The following DUSP22 variants were observed in gnomAD, a reference collection of about 807,000 sequenced individuals.
DUSP22 encodes dual specificity phosphatase 22.
A neutral mutation model predicts 24.5 loss-of-function variants in DUSP22; 24 were observed. The observed-to-expected ratio is 0.98, with a 90% confidence interval of 0.71 to 1.38. The LOEUF (loss-of-function observed/expected upper bound fraction) is 1.38. Ranked by LOEUF, DUSP22 falls within the 40% of genes most tolerant of loss-of-function variation. The pLI, the probability that DUSP22 is intolerant of heterozygous loss-of-function variation, is 0.00. For synonymous variants in DUSP22, 160 were observed against 106.4 expected (o/e 1.50, Z -3.10); for missense variants, 330 against 269.2 (o/e 1.23, Z -1.58).
At chr6:322,117 A>G (rs926330411) in intron 3 of DUSP22, among the ~76,000 whole-genome samples, 2 of 145,194 alleles carry the variant, frequency 1.4e-5, no homozygotes, top group Non-Finnish European at 3.0e-5. Flanking sequence ...TAGTGTATAC[A>G]TATCTACATA....
At chr6:294,315 T>C (rs1342166738) in intron 1 of DUSP22, among the ~76,000 whole-genome samples, 1 of 152,232 alleles carries the variant, frequency 6.6e-6, no homozygotes, top group Non-Finnish European at 1.5e-5. Flanking sequence ...ACTTATTGAT[T>C]ATGTACATAC....
intron 3 of DUSP22, among the ~76,000 whole-genome samples, chr6:329,992 G>A (rs908632046): frequency 6.0e-4 from 91 of 152,332 alleles, no homozygotes; most frequent in African/African-American, 1.9e-3. Context: ...GGCTGGTTTC[G>A]CTCAGTTGTT....
At chr6:326,742 T>C (rs558587212) in intron 3 of DUSP22, among the ~76,000 whole-genome samples, 17 of 152,416 alleles carry the variant, frequency 1.1e-4, no homozygotes, top group African/African-American at 4.1e-4. Context: ...ACATTGACTT[T>C]CCTTGTTTAA....
chr6:350,802 G>A lies in DUSP22; in HGVS notation c.*1851G>A, dbSNP rs1003804981. ...AATGTTGTTTTAATATTTGTTGCCA[G>A]TAATGTTCTTTCTTCACAGCCGCTC... On this transcript the variant is annotated 3_prime_UTR_variant, in exon 7 of 7. Transcript: ENST00000419235. The A allele has an allele frequency of 3.7e-6, 6 of 1,614,108 alleles. No homozygotes were observed. Among genetic ancestry groups the A allele is most frequent in the Non-Finnish European group, 5.1e-6 (6 of 1,180,008 alleles).
chr6:292,924 C>T (rs765924457), intron 1 of DUSP22, among the ~76,000 whole-genome samples: 2 of 152,276 alleles, frequency 1.3e-5, no homozygotes, highest in African/African-American at 2.4e-5. Context: ...CCAAACTACG[C>T]TCTTGAAGCC....
At chr6:341,641 T>G (rs1258031024) in intron 4 of DUSP22, among the ~76,000 whole-genome samples, 1 of 152,306 alleles carries the variant, frequency 6.6e-6, no homozygotes, top group Non-Finnish European at 1.5e-5. Flanking sequence ...GTTGGCATCC[T>G]TCCGGCTCCT....
intron 2 of DUSP22, among the ~76,000 whole-genome samples, chr6:310,394 A>C (rs1331873430): frequency 6.6e-6 from 1 of 152,302 alleles, no homozygotes; most frequent in Non-Finnish European, 1.5e-5. Context: ...GAAGGGTTCC[A>C]CTTCAGGGGA....
chr6:313,059 T>C (rs1252194201), intron 3 of DUSP22, among the ~76,000 whole-genome samples: 1 of 151,876 alleles, frequency 6.6e-6, no homozygotes, highest in Non-Finnish European at 1.5e-5. Flanking sequence ...TTTTGGAGCC[T>C]AACAGTTCCT....
chr6:330,759 G>A (rs866224959), intron 3 of DUSP22, among the ~76,000 whole-genome samples: 3 of 152,300 alleles, frequency 2.0e-5, no homozygotes, highest in Admixed American at 6.5e-5. Flanking sequence ...TCCAAGTGAC[G>A]TCTGTTGTTT....
chr6:318,157 C>T (rs1350804156), intron 3 of DUSP22, among the ~76,000 whole-genome samples: 1 of 152,306 alleles, frequency 6.6e-6, no homozygotes, highest in African/African-American at 2.4e-5. Flanking sequence ...CAGTAATCCC[C>T]TGTGCAGCTC....
chr6:315,534 G>A (rs1758303570), intron 3 of DUSP22, among the ~76,000 whole-genome samples: 1 of 152,300 alleles, frequency 6.6e-6, no homozygotes, highest in African/African-American at 2.4e-5. Flanking sequence ...GATATCCTTA[G>A]TGGTATCGGT....
intron 4 of DUSP22, among the ~76,000 whole-genome samples, chr6:344,330 G>A (rs1581191976): frequency 6.6e-6 from 1 of 152,424 alleles, no homozygotes; most frequent in East Asian, 1.9e-4. Flanking sequence ...GTGTCGCTCA[G>A]GCTGGAGTGC....
intron 4 of DUSP22, among the ~76,000 whole-genome samples, chr6:344,115 G>A (rs1243046863): frequency 1.3e-5 from 2 of 152,422 alleles, no homozygotes; most frequent in Middle Eastern, 3.4e-3. Context: ...AGTGGGGCTC[G>A]AGTCCTGCCT....
chr6:304,818 A>T (rs1185609749), intron 2 of DUSP22, among the ~76,000 whole-genome samples, 157 bp downstream of exon 2: 1 of 152,306 alleles, frequency 6.6e-6, no homozygotes, highest in African/African-American at 2.4e-5. Context: ...ATGTTCCCAA[A>T]CTGAAACTGT....
intron 4 of DUSP22, among the ~76,000 whole-genome samples, chr6:336,796 A>G (rs1759379006): frequency 6.6e-6 from 1 of 152,300 alleles, no homozygotes; most frequent in Admixed American, 6.5e-5. Flanking sequence ...GCATTAGAGA[A>G]CTTCCTTGGT....
chr6:295,359 C>T (rs925517655), intron 1 of DUSP22, among the ~76,000 whole-genome samples: 9 of 152,268 alleles, frequency 5.9e-5, no homozygotes, highest in Admixed American at 1.3e-4. Flanking sequence ...CTCTTCTTGT[C>T]GGTCCGTTCC....
chr6:312,016 G>A (rs1293668826), intron 3 of DUSP22, 54 bp downstream of exon 3: 7 of 1,570,028 alleles, frequency 4.5e-6, no homozygotes, highest in Non-Finnish European at 6.1e-6. Flanking sequence ...TTCCGTGGGA[G>A]TACCTACGAC....
chr6:322,952 C>T (rs796623267), intron 3 of DUSP22, among the ~76,000 whole-genome samples: 2 of 152,300 alleles, frequency 1.3e-5, no homozygotes, highest in South Asian at 2.1e-4. Context: ...TGTTTTTAGC[C>T]ATAAGAAAAT....
intron 3 of DUSP22, chr6:325,969 G>T: frequency 4.7e-6 from 1 of 214,958 alleles, no homozygotes; most frequent in Non-Finnish European, 8.7e-6. Context: ...TCTGCGTCCT[G>T]GTGTGTGCAA....
Sources: gnomAD v4.1 joint callset for allele counts (sites outside exome capture counted in the v4.1 genomes callset) on GRCh38, gnomAD v4.1.1 for gene constraint, MANE v1.5 for transcripts, NCBI Gene and HGNC (gene_info 2026-07-23, HGNC 2026-07-21) for gene names.